Variants in CORO2B observed in about 807,000 individuals in gnomAD.
The protein encoded by CORO2B is coronin 2B.
In CORO2B, 26 loss-of-function variants were observed where a neutral mutation model predicts 58.8. The ratio of observed to expected loss-of-function variants is 0.44; its 90% CI spans 0.32 to 0.61. The LOEUF (loss-of-function observed/expected upper bound fraction) is 0.61, where lower values mean the gene tolerates loss of function less well. Ranked by LOEUF, CORO2B falls within the 20% of genes least tolerant of loss-of-function variation. The pLI is 0.04. For synonymous variants in CORO2B, 242 were observed against 253.8 expected (o/e 0.95, Z 0.44); for missense variants, 460 against 645.1 (o/e 0.71, Z 3.11).
intron 2 of CORO2B, among the ~76,000 whole-genome samples, chr15:68,656,192 C>T (rs1901802143): frequency 2.1e-5 from 3 of 141,154 alleles, no homozygotes; most frequent in Non-Finnish European, 4.6e-5. Flanking sequence ...CCGACCCAAC[C>T]AACCCGCTCC....
rs1035941546 is a variant in CORO2B, at chr15:68,669,636, G to GA, written c.216+24285dup. On this transcript the variant is annotated intron_variant, in intron 2 of 11. Coordinates refer to ENST00000261861, the MANE Select transcript of CORO2B (RefSeq NM_006091.5). ...GCTCTGAGTTAGCTGTGAGTTTCAG[G>GA]AAAAAAAAATTCAACTTTCTAAAAA... Among the ~76,000 whole-genome samples the GA allele has an allele frequency of 1.1e-3, 167 of 151,434 alleles. 1 individual carries two copies. The highest frequency in any genetic ancestry group is 3.8e-3 in the African/African-American group (157 of 41,346).
intron 1 of CORO2B, chr15:68,632,177 C>T (rs1900856905): frequency 2.0e-6 from 2 of 985,438 alleles, no homozygotes; most frequent in Non-Finnish European, 2.4e-6. Flanking sequence ...CACCCGTGGC[C>T]CCCATGTGGC....
At chr15:68,599,414 T>C (rs769792822) in intron 1 of CORO2B, among the ~76,000 whole-genome samples, 1 of 152,238 alleles carries the variant, frequency 6.6e-6, no homozygotes, top group Non-Finnish European at 1.5e-5. Flanking sequence ...TTACAGGTTT[T>C]TGAATGATGT....
chr15:68,678,754 A>C (rs1377111052), intron 2 of CORO2B, among the ~76,000 whole-genome samples: 1 of 152,194 alleles, frequency 6.6e-6, no homozygotes, highest in African/African-American at 2.4e-5. Flanking sequence ...CCAGGCTCAG[A>C]AGAGCTGCCC....
chr15:68,622,689 A>G (rs1039330380), intron 1 of CORO2B, among the ~76,000 whole-genome samples: 5 of 152,124 alleles, frequency 3.3e-5, no homozygotes, highest in Non-Finnish European at 7.3e-5. Flanking sequence ...TCATTCATAG[A>G]TATTTGCTGA....
the CORO2B span, chr15:68,559,740 C>T: frequency 4.9e-6 from 3 of 611,496 alleles, no homozygotes; most frequent in Non-Finnish European, 6.1e-6. This position sits in a 1 kb window ranked among gnomAD's most constrained non-coding sequence, Gnocchi z 4.3. Flanking sequence ...GCTGCGGCGC[C>T]CGAGACCGCT....
intron 1 of CORO2B, among the ~76,000 whole-genome samples, chr15:68,612,310 A>T (rs921548063): frequency 2.0e-5 from 3 of 152,222 alleles, no homozygotes; most frequent in Non-Finnish European, 4.4e-5. Flanking sequence ...TTCTTTGTGT[A>T]TAGGCTTTGA....
At chr15:68,654,314 A>G (rs1901735088) in intron 2 of CORO2B, among the ~76,000 whole-genome samples, 1 of 152,222 alleles carries the variant, frequency 6.6e-6, no homozygotes, top group Admixed American at 6.5e-5. Flanking sequence ...AGTGGGCATC[A>G]TGGGAGGTCA....
chr15:68,676,229 G>A (rs190947261), intron 2 of CORO2B, among the ~76,000 whole-genome samples: 3 of 152,284 alleles, frequency 2.0e-5, no homozygotes, highest in East Asian at 3.9e-4. Flanking sequence ...TCAGTTTAGC[G>A]TGTGTGTGCT....
At chr15:68,683,698 C>G (rs1902868309) in intron 2 of CORO2B, among the ~76,000 whole-genome samples, 1 of 152,136 alleles carries the variant, frequency 6.6e-6, no homozygotes, top group Non-Finnish European at 1.5e-5. Context: ...GTCACCATCT[C>G]AGGACACACC....
At position 68,645,430 on chromosome 15, in the gene CORO2B, G is replaced by A; in HGVS notation, c.216+70G>A. 6.8e-7 allele frequency: 1 copy of A among 1,469,182 alleles called. No individual in the cohort carries two copies. Among genetic ancestry groups the A allele is most frequent in the Non-Finnish European group, 9.3e-7 (1 of 1,075,766 alleles). The allele number at this position is 1,469,182 out of a possible 1,614,324, so 91.0% of individuals were successfully genotyped here. On this transcript the variant is annotated intron_variant, in intron 2 of 11. Transcript: ENST00000261861. This position sits in a 1 kb window ranked among gnomAD's most constrained non-coding sequence, Gnocchi z 4.5. ...GAGGAGCCCTCCTTGGTCTCTCTTA[G>A]GCCTGTTGACCCTACTTCTCTCTGA... is the stretch of plus-strand genomic sequence containing the variant.
intron 1 of CORO2B, among the ~76,000 whole-genome samples, chr15:68,590,802 C>G (rs1012013082): frequency 6.6e-6 from 1 of 152,072 alleles, no homozygotes; most frequent in African/African-American, 2.4e-5. Context: ...GGAGGGAGAG[C>G]TGGTTACTGT....
the CORO2B span, among the ~76,000 whole-genome samples, chr15:68,542,303 C>T: frequency 4.5e-4 from 68 of 152,036 alleles, 1 homozygote; most frequent in African/African-American, 1.3e-3. Flanking sequence ...AAGCAAAACA[C>T]ACTACTCAAT....
Position 68,710,869 on chromosome 15 carries a change from C to G in CORO2B, c.471C>G (p.Gly157=). Reference sequence around the variant, plus strand: ...CCAACAACATCCTGTTCAGCGCTGGCTACGACTACAAGGTATGCAGTGGGC... The same window carrying G: ...CCAACAACATCCTGTTCAGCGCTGGGTACGACTACAAGGTATGCAGTGGGC... The part of the protein sequence containing the change: ...PTTNNILFSA[G]YDYKVLIWNL... Residue 157 remains glycine, a synonymous_variant, in exon 4 of 12, where the codon GGC becomes GGG. Transcript: ENST00000261861. This position sits in a 1 kb window ranked among gnomAD's most constrained non-coding sequence, Gnocchi z 4.1. 1 of 1,606,616 alleles carries G rather than the reference C, an allele frequency of 6.2e-7. No individual in the cohort carries two copies. The highest frequency in any genetic ancestry group is 8.5e-7 in the Non-Finnish European group (1 of 1,176,364).
intron 2 of CORO2B, among the ~76,000 whole-genome samples, chr15:68,690,880 C>T (rs1282769937): frequency 2.0e-5 from 3 of 151,138 alleles, no homozygotes; most frequent in Non-Finnish European, 4.4e-5. Context: ...GTCTCGAACT[C>T]CTGGGCTTAA....
chr15:68,704,181 A>G (rs1415095501), intron 3 of CORO2B, among the ~76,000 whole-genome samples: 4 of 151,872 alleles, frequency 2.6e-5, no homozygotes, highest in African/African-American at 9.7e-5. Context: ...TGGAGGCTGC[A>G]GTGAGCCAAG....
intron 2 of CORO2B, among the ~76,000 whole-genome samples, chr15:68,657,103 C>G (rs1901832939): frequency 6.6e-6 from 1 of 152,170 alleles, no homozygotes; most frequent in African/African-American, 2.4e-5. Context: ...TCAAATAAAA[C>G]AGATGAACTT....
chr15:68,554,386 G>A, the CORO2B span, among the ~76,000 whole-genome samples: 1 of 152,110 alleles, frequency 6.6e-6, no homozygotes, highest in Non-Finnish European at 1.5e-5. Flanking sequence ...GAGGCCAGGA[G>A]ATGTTTACCT....
chr15:68,644,455 C>G (rs1901357231), intron 1 of CORO2B, among the ~76,000 whole-genome samples: 1 of 152,168 alleles, frequency 6.6e-6, no homozygotes, highest in Non-Finnish European at 1.5e-5. Context: ...TGCTGAGAAA[C>G]CTTGCTCCAA....
Sources: allele counts gnomAD v4.1 joint callset (sites outside exome capture counted in the v4.1 genomes callset), GRCh38; gene constraint gnomAD v4.1.1; non-coding constraint Gnocchi (gnomAD v3.1); transcripts MANE v1.5; gene names NCBI Gene and HGNC (gene_info 2026-07-23, HGNC 2026-07-21).